CSMD1: variants seen among roughly 807,000 people sequenced by gnomAD.
CSMD1 encodes the protein CUB and sushi domain-containing protein 1.
Under a neutral mutation model 417.5 loss-of-function variants are expected in CSMD1, and 213 were observed. The ratio of observed to expected loss-of-function variants is 0.51; its 90% CI spans 0.46 to 0.57. CSMD1 has a LOEUF of 0.57. Ranked by LOEUF, CSMD1 falls within the 20% of genes least tolerant of loss-of-function variation. The pLI, the probability that CSMD1 is intolerant of heterozygous loss-of-function variation, is 0.00. For synonymous variants in CSMD1, 2,862 were observed against 1,736.8 expected (o/e 1.65, Z -16.11); for missense variants, 6,923 against 4,529.7 (o/e 1.53, Z -15.17).
intron 7 of CSMD1, among the ~76,000 whole-genome samples, chr8:3,668,843 A>G (rs1051025247): frequency 6.6e-6 from 1 of 152,162 alleles, no homozygotes; most frequent in African/African-American, 2.4e-5. Context: ...AATGAACACA[A>G]TTATAGAATT....
At chr8:3,476,967 G>A (rs571056906) in intron 11 of CSMD1, among the ~76,000 whole-genome samples, 6 of 151,780 alleles carry the variant, frequency 4.0e-5, no homozygotes, top group Non-Finnish European at 8.8e-5. Flanking sequence ...TTTAAGTTGG[G>A]GGAGCCTGTC....
intron 23 of CSMD1, among the ~76,000 whole-genome samples, chr8:3,330,270 G>T (rs879703510): frequency 6.6e-6 from 1 of 152,188 alleles, no homozygotes; most frequent in African/African-American, 2.4e-5. Context: ...AACATAAACT[G>T]TTCTACCATA....
chr8:4,871,780 C>T (rs912028142), intron 1 of CSMD1, among the ~76,000 whole-genome samples: 3 of 152,066 alleles, frequency 2.0e-5, no homozygotes, highest in Non-Finnish European at 4.4e-5. Flanking sequence ...TGAAACTGTA[C>T]ATTTAGATTG....
chr8:4,606,144 C>A (rs60252745), intron 2 of CSMD1, among the ~76,000 whole-genome samples: 11,681 of 152,208 alleles, frequency 0.077, 584 homozygotes, highest in East Asian at 0.14. Flanking sequence ...CACACTAATA[C>A]TGAGCTTCTA....
At chr8:3,223,194 G>C (rs564596840) in intron 28 of CSMD1, among the ~76,000 whole-genome samples, 4 of 152,054 alleles carry the variant, frequency 2.6e-5, no homozygotes, top group Non-Finnish European at 5.9e-5. Context: ...ACCTTCCATC[G>C]TCTAGTTTAG....
At chr8:3,781,439 T>C (rs1054744475) in intron 5 of CSMD1, among the ~76,000 whole-genome samples, 6 of 150,708 alleles carry the variant, frequency 4.0e-5, no homozygotes, top group Non-Finnish European at 8.9e-5. Context: ...GTCTGGGGGG[T>C]TTCCTCTCAG....
intron 3 of CSMD1, among the ~76,000 whole-genome samples, chr8:4,272,057 G>C (rs1271281566): frequency 6.6e-6 from 1 of 152,098 alleles, no homozygotes; most frequent in Non-Finnish European, 1.5e-5. Flanking sequence ...AAGTAGACCT[G>C]TGTAGTTCAA....
At chr8:3,870,678 G>C (rs1039965849) in intron 5 of CSMD1, among the ~76,000 whole-genome samples, 16 of 152,168 alleles carry the variant, frequency 1.1e-4, no homozygotes, top group Middle Eastern at 3.4e-3. Context: ...GAATATTAGA[G>C]GGATGTTAAG....
At chr8:3,266,097 A>G (rs1472145616) in intron 26 of CSMD1, among the ~76,000 whole-genome samples, 1 of 151,348 alleles carries the variant, frequency 6.6e-6, no homozygotes, top group African/African-American at 2.4e-5. Context: ...CTGGGGGAAA[A>G]ATTAATTTGC....
chr8:4,075,294 T>C (rs937185116), intron 3 of CSMD1, among the ~76,000 whole-genome samples: 6 of 152,154 alleles, frequency 3.9e-5, no homozygotes, highest in African/African-American at 1.2e-4. Flanking sequence ...TTGATATATG[T>C]TTATGTAAAT....
chr8:3,323,717 C>T (rs1806303172), intron 23 of CSMD1, among the ~76,000 whole-genome samples: 1 of 151,840 alleles, frequency 6.6e-6, no homozygotes, highest in Non-Finnish European at 1.5e-5. Flanking sequence ...AGGCCCACAT[C>T]CAACCCCAGA....
intron 1 of CSMD1, among the ~76,000 whole-genome samples, chr8:4,900,662 T>C (rs1469098043): frequency 8.5e-5 from 13 of 152,208 alleles, no homozygotes; most frequent in Non-Finnish European, 5.9e-5. Context: ...CCCTACTCTC[T>C]GCTGTCCAAG....
intron 3 of CSMD1, among the ~76,000 whole-genome samples, chr8:4,390,509 A>ATTTATTTATTTATTTATTTAT (rs1803775158): frequency 6.8e-6 from 1 of 147,324 alleles, no homozygotes; most frequent in African/African-American, 2.5e-5. Flanking sequence ...TTATTTATTT[A>ATTTATTTATTTATTTATTTAT]TTTATTTATT....
intron 1 of CSMD1, among the ~76,000 whole-genome samples, chr8:4,894,673 G>C (rs1053219716): frequency 2.7e-5 from 4 of 150,332 alleles, no homozygotes; most frequent in African/African-American, 9.9e-5. Context: ...TTTCATTCTT[G>C]ATTTAAGTCA....
At position 3,867,463 on chromosome 8, in the gene CSMD1, A is replaced by C. The variant is rs573623505; in HGVS notation, c.819-113421T>G. ...CTTCCTGGCTATGGTTTAAATAACT[A>C]AACAAAATATATCTGACCTGCTGAA... On this transcript the variant is annotated intron_variant, in intron 5 of 69. Transcript: ENST00000635120. Among the ~76,000 whole-genome samples, 3 of 152,264 alleles carry C rather than the reference A, an allele frequency of 2.0e-5. No homozygotes were observed. The East Asian group carries it at 5.8e-4, about 29-fold the overall frequency.
intron 48 of CSMD1, among the ~76,000 whole-genome samples, chr8:3,088,118 C>G (rs1358064005): frequency 6.6e-6 from 1 of 152,156 alleles, no homozygotes; most frequent in Non-Finnish European, 1.5e-5. Flanking sequence ...TTAATCATCC[C>G]TCTTTGTAAG....
intron 1 of CSMD1, among the ~76,000 whole-genome samples, chr8:4,856,268 C>G (rs1303918681): frequency 7.1e-6 from 1 of 141,198 alleles, no homozygotes; most frequent in Non-Finnish European, 1.5e-5. Context: ...GAAGGAAGCA[C>G]TAAACATGGA....
chr8:3,799,260 T>TTTTA (rs1554441577), intron 5 of CSMD1, among the ~76,000 whole-genome samples: 14 of 152,054 alleles, frequency 9.2e-5, no homozygotes, highest in African/African-American at 2.9e-4. Flanking sequence ...AGCATTTTTT[T>TTTTA]TTATACTTTA....
chr8:2,981,690 C>A (rs985731418), intron 54 of CSMD1, among the ~76,000 whole-genome samples: 2 of 152,100 alleles, frequency 1.3e-5, no homozygotes, highest in Non-Finnish European at 2.9e-5. Context: ...ATACATTCAG[C>A]CCAGCAGGGA....
Sources: gnomAD v4.1 joint callset for allele counts (sites outside exome capture counted in the v4.1 genomes callset) on GRCh38, gnomAD v4.1.1 for gene constraint, MANE v1.5 for transcripts, NCBI Gene and HGNC (gene_info 2026-07-23, HGNC 2026-07-21) for gene names.